Variants in REM2 observed in about 807,000 individuals in gnomAD.
REM2 encodes the protein RRAD and GEM like GTPase 2.
In REM2, 24 loss-of-function variants were observed where a neutral mutation model predicts 24.4. The observed-to-expected ratio is 0.98, with a 90% CI of 0.71 to 1.38. The LOEUF is 1.38. Ranked by LOEUF, REM2 falls within the 40% of genes most tolerant of loss-of-function variation. REM2 has a pLI of 0.00. For synonymous variants in REM2, 187 were observed against 198.0 expected (o/e 0.94, Z 0.47); for missense variants, 429 against 467.8 (o/e 0.92, Z 0.77).
rs200166181 is a variant in REM2 at position 22,884,956 on chromosome 14, C to T, written c.386C>T (p.Thr129Ile). Residue 129 changes from threonine (T) to isoleucine (I), a missense_variant, in exon 2 of 5, where the codon ACC becomes ATC. Thr to Ile is a moderately conservative substitution (Grantham distance 89). Coordinates refer to ENST00000267396, the MANE Select transcript of REM2 (RefSeq NM_173527.3). ...GGGGAGAGCGGCGTGGGCAAGAGCA[C>T]CCTAGCAGGCACTTTTGGTGGTCTC... ...LVGESGVGKS[T>I]LAGTFGGLQG... The T allele has an allele frequency of 6.3e-7, 1 of 1,580,000 alleles. No homozygotes were observed. The highest frequency in any genetic ancestry group is 2.3e-5 in the East Asian group (1 of 44,408).
rs1013632925 is a variant in REM2, at chr14:22,886,765, G to C, written c.879G>C (p.Pro293=). 17 of 1,547,188 alleles carry C rather than the reference G, an allele frequency of 1.1e-5. No individual in the cohort carries two copies. Among genetic ancestry groups the C allele is most frequent in the Admixed American group, 3.9e-5 (2 of 50,634 alleles). ...RNHAGGQRPD[P]GSPEGPAPPA... ...ACGCCGGAGGCCAGAGGCCCGATCC[G>C]GGCAGCCCCGAGGGCCCTGCGCCAC... The change falls in exon 5 of 5, where the codon CCG becomes CCC. Residue 293 remains proline (P), a synonymous_variant. Transcript: ENST00000267396. This position sits in a 1 kb window ranked among gnomAD's most constrained non-coding sequence, Gnocchi z 5.9.
At position 22,886,775 on chromosome 14, in the gene REM2, G is replaced by T; in HGVS notation, c.889G>T (p.Glu297Ter). The change falls in exon 5 of 5, where the codon GAG becomes TAG. Residue 297 changes from glutamate (E) to a stop codon, truncating the protein, a stop_gained. Coordinates refer to ENST00000267396, the MANE Select transcript of REM2 (RefSeq NM_173527.3). LOFTEE classifies it high-confidence loss of function. This position sits in a 1 kb window ranked among gnomAD's most constrained non-coding sequence, Gnocchi z 5.9. ...CCAGAGGCCCGATCCGGGCAGCCCCGAGGGCCCTGCGCCACCTGCACGCCG... is the reference window on the plus strand; with the variant it reads ...CCAGAGGCCCGATCCGGGCAGCCCCTAGGGCCCTGCGCCACCTGCACGCCG... ...GGQRPDPGSPEGPAPPARRES... is the reference protein window; with the variant it reads ...GGQRPDPGSP The T allele has an allele frequency of 2.6e-6, 4 of 1,548,240 alleles. No homozygotes were observed. Among genetic ancestry groups the T allele is most frequent in the Non-Finnish European group, 3.5e-6 (4 of 1,146,232 alleles).
rs1434224166 is a variant in REM2 at position 22,886,456 on chromosome 14, C to T, written c.728-158C>T. The T allele has an allele frequency of 1.3e-6, 1 of 761,186 alleles. No individual in the cohort carries two copies. Among genetic ancestry groups the T allele is most frequent in the Non-Finnish European group, 2.1e-6 (1 of 480,910 alleles). 47.2% of individuals were successfully genotyped at this position (761,186 alleles called of 1,614,324 possible). A position where few individuals can be genotyped will look rare whatever the true frequency, so the allele number is the denominator to read the frequency against. On this transcript the variant is annotated intron_variant, in intron 4 of 4. Coordinates refer to ENST00000267396, the MANE Select transcript of REM2 (RefSeq NM_173527.3). The surrounding 1 kb of genome is among the most constrained non-coding windows in gnomAD (Gnocchi z 5.9). ...GCCTCCTTCTCCCTCTCCTTCGCAC[C>T]TCCACAGACCCACCATATGAGCTCA...
intron 1 of REM2, chr14:22,884,206 A>G: frequency 2.0e-6 from 2 of 985,440 alleles, no homozygotes; most frequent in Non-Finnish European, 1.2e-6. Flanking sequence ...GACACTGGGC[A>G]GCAGTTTCAG....
At position 22,886,069 on chromosome 14, in the gene REM2, G is replaced by A; in HGVS notation, c.565G>A (p.Asp189Asn). 2 of 1,613,984 alleles carry A rather than the reference G, an allele frequency of 1.2e-6. No individual in the cohort carries two copies. Among genetic ancestry groups the A allele is most frequent in the South Asian group, 2.2e-5 (2 of 91,084 alleles). ...GCGGGACCACTGCCTTCAGACCGGGGACGCCTTTCTCATCGTCTTCTCAGT... is the reference window on the plus strand; with the variant it reads ...GCGGGACCACTGCCTTCAGACCGGGAACGCCTTTCTCATCGTCTTCTCAGT... ...WLRDHCLQTGDAFLIVFSVTD... is the reference protein window; with the variant it reads ...WLRDHCLQTGNAFLIVFSVTD... Residue 189 changes from aspartate to asparagine, a missense_variant, in exon 4 of 5, where the codon GAC becomes AAC. Coordinates refer to ENST00000267396, the MANE Select transcript of REM2 (RefSeq NM_173527.3). This position sits in a 1 kb window ranked among gnomAD's most constrained non-coding sequence, Gnocchi z 5.9.
At chr14:22,884,322 A>G (rs2040099292) in intron 1 of REM2, 1 of 985,168 alleles carries the variant, frequency 1.0e-6, no homozygotes, top group African/African-American at 1.7e-5. Context: ...ACCTCCCCCA[A>G]CTCCACCGTA....
At position 22,884,914 on chromosome 14, in the gene REM2, T is replaced by C. The variant is rs780787465; in HGVS notation, c.344T>C (p.Phe115Ser). The C allele has an allele frequency of 1.2e-6, 2 of 1,611,860 alleles. No individual in the cohort carries two copies. The highest frequency in any genetic ancestry group is 1.7e-6 in the Non-Finnish European group (2 of 1,178,326). Residue 115 changes from phenylalanine to serine, a missense_variant, in exon 2 of 5, where the codon TTC becomes TCC. Phe to Ser is a radical substitution (Grantham distance 155). Coordinates refer to ENST00000267396, the MANE Select transcript of REM2 (RefSeq NM_173527.3). ...GCCCCTGCTCAAAAGGATGGCATCT[T>C]CAAGGTCATGCTAGTGGGGGAGAGC... ...EAAPAQKDGI[F>S]KVMLVGESGV...
rs2040122270 is a variant in REM2 at position 22,886,020 on chromosome 14, G to A, written c.520-4G>A. 6.2e-7 allele frequency: 1 copy of A among 1,613,066 alleles called. No homozygotes were observed. The highest frequency in any genetic ancestry group is 1.3e-5 in the African/African-American group (1 of 74,892). ...AGCCCTAACGTTCCTCTGCCTGTCT[G>A]CAGGGGGATGCAGGAGGGTGGCTGC... is the stretch of plus-strand genomic sequence containing the variant. On this transcript the variant is annotated splice_region_variant and splice_polypyrimidine_tract_variant and intron_variant, in intron 3 of 4. Transcript: ENST00000267396. The surrounding 1 kb of genome is among the most constrained non-coding windows in gnomAD (Gnocchi z 5.9).
In REM2 at chr14:22,885,283, C is replaced by A. The variant is rs769826661; in HGVS notation, c.463C>A (p.Arg155Ser). The change falls in exon 3 of 5, where the codon CGC becomes AGC. Residue 155 changes from arginine (R) to serine (S), a missense_variant. By Grantham distance (110) the Arg-to-Ser change is moderately radical (BLOSUM62 -1). Transcript: ENST00000267396. ...CCCAGCAGAGGATACCTATGAGAGA[C>A]GCATCATGGTGGATAAGGAGGAAGT... Reference protein sequence around the residue: ...PENPEDTYERRIMVDKEEVTL... With the variant: ...PENPEDTYERSIMVDKEEVTL... 14 of 1,613,442 alleles carry A rather than the reference C, an allele frequency of 8.7e-6. No homozygotes were observed. Among genetic ancestry groups the A allele is most frequent in the Non-Finnish European group, 1.2e-5 (14 of 1,179,426 alleles).
Position 22,886,836 on chromosome 14 carries a change from C to G in REM2, c.950C>G (p.Ala317Gly). ...ACCAAGAAAGCCAAGAGGTTCCTCG[C>G]CAACCTGGTGCCGCGCAACGCCAAG... Reference protein sequence around the residue: ...SLTKKAKRFLANLVPRNAKFF... With the variant: ...SLTKKAKRFLGNLVPRNAKFF... Residue 317 changes from alanine to glycine, a missense_variant, in exon 5 of 5, where the codon GCC becomes GGC. Coordinates refer to ENST00000267396, the MANE Select transcript of REM2 (RefSeq NM_173527.3). The surrounding 1 kb of genome is among the most constrained non-coding windows in gnomAD (Gnocchi z 5.9). 1 of 1,548,158 alleles carries G rather than the reference C, an allele frequency of 6.5e-7. No individual in the cohort carries two copies. The highest frequency in any genetic ancestry group is 8.7e-7 in the Non-Finnish European group (1 of 1,146,072).
rs148336449 is a variant in REM2 at position 22,884,942 on chromosome 14, C to T, written c.372C>T (p.Gly124=). 2.8e-4 allele frequency: 447 copies of T among 1,598,800 alleles called. 1 individual carries two copies. In the East Asian group the frequency reaches 8.6e-3, roughly 31 times the overall value. ...IFKVMLVGES[G]VGKSTLAGTF... ...AGGTCATGCTAGTGGGGGAGAGCGG[C>T]GTGGGCAAGAGCACCCTAGCAGGCA... Residue 124 remains glycine, a synonymous_variant, in exon 2 of 5, where the codon GGC becomes GGT. Coordinates refer to ENST00000267396, the MANE Select transcript of REM2 (RefSeq NM_173527.3).
rs2040141929 is a variant in REM2, at chr14:22,887,442, C to CGG, written c.*533_*534insGG. ...GGCTCTCATCTGGTGCGGCATGTGTCCACTTTGCCTTTAAGGAGTTCTTAA... is the reference window on the plus strand; with the variant it reads ...GGCTCTCATCTGGTGCGGCATGTGTCGGCACTTTGCCTTTAAGGAGTTCTTAA... On this transcript the variant is annotated 3_prime_UTR_variant, in exon 5 of 5. Transcript: ENST00000267396. The CGG allele has an allele frequency of 1.3e-5, 2 of 152,164 alleles. No individual in the cohort carries two copies. The highest frequency in any genetic ancestry group is 1.9e-4 in the East Asian group (1 of 5,188). The allele number at this position is 152,164 out of a possible 1,614,324, so 9.4% of individuals were successfully genotyped here. A position where few individuals can be genotyped will look rare whatever the true frequency, so the allele number is the denominator to read the frequency against.
intron 1 of REM2, among the ~76,000 whole-genome samples, chr14:22,883,640 C>T (rs2040090269): frequency 1.3e-5 from 2 of 152,106 alleles, no homozygotes; most frequent in Admixed American, 6.6e-5. Flanking sequence ...TGGTACATGG[C>T]CCCTAGCTCA....
rs1457557920 is a variant in REM2 at position 22,886,566 on chromosome 14, C to T, written c.728-48C>T. The T allele has an allele frequency of 1.4e-6, 2 of 1,437,376 alleles. No homozygotes were observed. The highest frequency in any genetic ancestry group is 1.4e-5 in the African/African-American group (1 of 69,488). The allele number at this position is 1,437,376 out of a possible 1,614,324, so 89.0% of individuals were successfully genotyped here. A position where few individuals can be genotyped will look rare whatever the true frequency, so the allele number is the denominator to read the frequency against. ...GCCCTCCCTAGACCCACCCTCGCCC[C>T]GGGTCCCGTACAGCCCAGCGGGCGC... On this transcript the variant is annotated intron_variant, in intron 4 of 4. Coordinates refer to ENST00000267396, the MANE Select transcript of REM2 (RefSeq NM_173527.3). This position sits in a 1 kb window ranked among gnomAD's most constrained non-coding sequence, Gnocchi z 5.9.
intron 3 of REM2, 47 bp downstream of exon 3, chr14:22,885,386 C>A (rs2040115446): frequency 6.7e-7 from 1 of 1,482,104 alleles, no homozygotes; most frequent in Non-Finnish European, 9.4e-7. Flanking sequence ...GCTGGGAGAA[C>A]TGGGGAAGGG....
In REM2 at chr14:22,886,991, C is replaced by T; in HGVS notation, c.*82C>T. The T allele has an allele frequency of 8.0e-7, 1 of 1,247,314 alleles. No individual in the cohort carries two copies. The allele number at this position is 1,247,314 out of a possible 1,614,324, so 77.3% of individuals were successfully genotyped here. On this transcript the variant is annotated 3_prime_UTR_variant, in exon 5 of 5. Coordinates refer to ENST00000267396, the MANE Select transcript of REM2 (RefSeq NM_173527.3). This position sits in a 1 kb window ranked among gnomAD's most constrained non-coding sequence, Gnocchi z 5.9. Reference sequence around the variant, plus strand: ...CCCCTCGCCCCGCCCCGCCCCCGTCCGGCTTCCTTGGTGGAGGCCGTCTAG... The same window carrying T: ...CCCCTCGCCCCGCCCCGCCCCCGTCTGGCTTCCTTGGTGGAGGCCGTCTAG...
intron 1 of REM2, chr14:22,884,424 T>C: frequency 1.0e-6 from 1 of 985,432 alleles, no homozygotes; most frequent in Non-Finnish European, 1.2e-6. Context: ...CTTCCCTGCA[T>C]GGGGCACGTT....
intron 3 of REM2, among the ~76,000 whole-genome samples, 191 bp from the exon 4 acceptor site, chr14:22,885,833 G>C (rs1428088355): frequency 6.6e-6 from 1 of 152,208 alleles, no homozygotes; most frequent in Admixed American, 6.5e-5. Context: ...CCTAGTCTAG[G>C]ATCCTCATAT....
rs1166291561 is a variant in REM2, at chr14:22,886,970, TCGCCC to T, written c.*73_*77del. On this transcript the variant is annotated 3_prime_UTR_variant, in exon 5 of 5. Coordinates refer to ENST00000267396, the MANE Select transcript of REM2 (RefSeq NM_173527.3). The surrounding 1 kb of genome is among the most constrained non-coding windows in gnomAD (Gnocchi z 5.9). ...CACCGCGCCCTCCGCTCGCCCCCCC[TCGCCC>T]CGCCCCGCCCCCGTCCGGCTTCCTT... is the stretch of plus-strand genomic sequence containing the variant. The T allele has an allele frequency of 1.1e-5, 14 of 1,284,344 alleles. No individual in the cohort carries two copies. Among genetic ancestry groups the T allele is most frequent in the Admixed American group, 3.5e-5 (1 of 28,522 alleles). The allele number at this position is 1,284,344 out of a possible 1,614,324, so 79.6% of individuals were successfully genotyped here.
Sources: allele counts gnomAD v4.1 joint callset (sites outside exome capture counted in the v4.1 genomes callset), GRCh38; gene constraint gnomAD v4.1.1; non-coding constraint Gnocchi (gnomAD v3.1); transcripts MANE v1.5; gene names NCBI Gene and HGNC (gene_info 2026-07-23, HGNC 2026-07-21).